Variants in DAB1 observed in about 807,000 individuals in gnomAD.
DAB1 encodes the protein DAB adaptor protein 1.
A neutral mutation model predicts 64.6 loss-of-function variants in DAB1; 15 were observed. That is an observed-to-expected ratio of 0.23 (90% CI 0.16 to 0.36). DAB1 has a LOEUF of 0.36. Ranked by LOEUF, DAB1 falls within the 10% of genes least tolerant of loss-of-function variation. The probability of loss-of-function intolerance (pLI) is 1.00; values close to 1 mark genes in which losing one functional copy is unlikely to be tolerated. For missense variants in DAB1, 596 were observed against 706.7 expected, an observed-to-expected ratio of 0.84 and a Z score of 1.78; for synonymous variants, 235 against 251.9, an observed-to-expected ratio of 0.93 and a Z score of 0.64.
intron 5 of DAB1, among the ~76,000 whole-genome samples, chr1:58,127,487 G>T (rs1032568008): frequency 2.0e-5 from 3 of 151,092 alleles, no homozygotes; most frequent in African/African-American, 7.3e-5. Context: ...GTCAATTTTG[G>T]CTTTTGTTGC....
intron 3 of DAB1, among the ~76,000 whole-genome samples, chr1:58,420,013 C>A (rs1177141331): frequency 6.6e-6 from 1 of 152,186 alleles, no homozygotes; most frequent in Non-Finnish European, 1.5e-5. Context: ...CTCAGTTTTA[C>A]CATTTCCTAT....
At chr1:57,750,518 G>A (rs1423564550) in intron 6 of DAB1, among the ~76,000 whole-genome samples, 1 of 152,022 alleles carries the variant, frequency 6.6e-6, no homozygotes, top group African/African-American at 2.4e-5. Flanking sequence ...TCACACTATT[G>A]TAATAAACAT....
intron 3 of DAB1, among the ~76,000 whole-genome samples, chr1:58,450,685 C>T (rs1466028002): frequency 2.0e-5 from 3 of 152,100 alleles, no homozygotes; most frequent in African/African-American, 2.4e-5. Flanking sequence ...ACCCGGGAGG[C>T]GGAGATTGCA....
intron 11 of DAB1, among the ~76,000 whole-genome samples, chr1:57,023,132 C>T (rs113147637): frequency 2.0e-4 from 30 of 152,336 alleles, no homozygotes; most frequent in African/African-American, 6.7e-4. Context: ...GTAAGGCAGA[C>T]CCCTTCTATC....
At chr1:57,950,148 G>C (rs1196749874) in intron 5 of DAB1, among the ~76,000 whole-genome samples, 2 of 152,098 alleles carry the variant, frequency 1.3e-5, no homozygotes, top group Non-Finnish European at 2.9e-5. Flanking sequence ...AAGAGAGAAG[G>C]CTCTGGGACC....
chr1:58,338,062 T>G (rs978874980), intron 4 of DAB1, among the ~76,000 whole-genome samples: 2 of 152,128 alleles, frequency 1.3e-5, no homozygotes, highest in African/African-American at 4.8e-5. Flanking sequence ...AACTCTTCAT[T>G]TCAAAAGTTT....
intron 5 of DAB1, among the ~76,000 whole-genome samples, chr1:58,059,140 G>T (rs1237256920): frequency 2.0e-5 from 3 of 152,188 alleles, no homozygotes; most frequent in Non-Finnish European, 2.9e-5. Flanking sequence ...CTTAGCATGG[G>T]TTGCTATTTT....
At chr1:57,199,050 T>C (rs963607278) in intron 2 of DAB1, among the ~76,000 whole-genome samples, 4 of 152,040 alleles carry the variant, frequency 2.6e-5, no homozygotes, top group Admixed American at 6.6e-5. Flanking sequence ...GGGAACTGCA[T>C]AGAGGAGAGA....
intron 1 of DAB1, among the ~76,000 whole-genome samples, chr1:57,871,959 A>G (rs1643958334): frequency 6.6e-6 from 1 of 152,052 alleles, no homozygotes. Flanking sequence ...AGACTCTGCT[A>G]TTTAGGGGAC....
intron 9 of DAB1, among the ~76,000 whole-genome samples, chr1:57,026,663 G>A (rs1292679168): frequency 6.6e-6 from 1 of 152,140 alleles, no homozygotes; most frequent in African/African-American, 2.4e-5. Flanking sequence ...AAAAAAATGT[G>A]GTTGGAGGAA....
chr1:57,925,764 A>G (rs1644870091), intron 5 of DAB1, among the ~76,000 whole-genome samples: 1 of 152,144 alleles, frequency 6.6e-6, no homozygotes, highest in South Asian at 2.1e-4. Context: ...CACTCTCCCA[A>G]GATTATTTCT....
At chr1:57,229,790 T>C (rs760252526) in intron 2 of DAB1, among the ~76,000 whole-genome samples, 4 of 152,188 alleles carry the variant, frequency 2.6e-5, no homozygotes, top group Non-Finnish European at 5.9e-5. Flanking sequence ...CATTGTTACT[T>C]TCATTGTTGG....
intron 2 of DAB1, among the ~76,000 whole-genome samples, chr1:57,268,272 G>A (rs907018472): frequency 2.0e-5 from 3 of 152,146 alleles, no homozygotes; most frequent in Admixed American, 6.6e-5. Flanking sequence ...AAGAAATAGC[G>A]ACAGAAACAG....
At chr1:58,390,222 A>G (rs766628673) in intron 3 of DAB1, among the ~76,000 whole-genome samples, 15 of 151,930 alleles carry the variant, frequency 9.9e-5, no homozygotes, top group Non-Finnish European at 1.8e-4. Flanking sequence ...ACACACACAC[A>G]TACCCCACCC....
At chr1:57,335,286 C>T (rs747833704) in intron 1 of DAB1, among the ~76,000 whole-genome samples, 16 of 151,538 alleles carry the variant, frequency 1.1e-4, no homozygotes, top group Non-Finnish European at 2.1e-4. Flanking sequence ...CAAAATGGGA[C>T]ATAGTTGAAC....
At chr1:58,000,180 G>C (rs1391049189) in intron 5 of DAB1, among the ~76,000 whole-genome samples, 2 of 152,112 alleles carry the variant, frequency 1.3e-5, no homozygotes, top group African/African-American at 4.8e-5. Flanking sequence ...CTAGAGCCTG[G>C]GAGCTACATA....
intron 1 of DAB1, among the ~76,000 whole-genome samples, chr1:57,350,502 C>T (rs917406899): frequency 1.3e-5 from 2 of 152,058 alleles, no homozygotes; most frequent in Non-Finnish European, 2.9e-5. Context: ...TATCCTGCTC[C>T]CACTTGGCCC....
chr1:57,744,789 G>T (rs1648183878), intron 6 of DAB1, among the ~76,000 whole-genome samples: 1 of 152,148 alleles, frequency 6.6e-6, no homozygotes, highest in Admixed American at 6.5e-5. Context: ...TACATCCTCA[G>T]CACAGAAACT....
At chr1:57,904,005 A>G (rs967431558) in intron 5 of DAB1, among the ~76,000 whole-genome samples, 2 of 152,226 alleles carry the variant, frequency 1.3e-5, no homozygotes, top group African/African-American at 4.8e-5. Context: ...ATTTACATTC[A>G]AATTCATACA....
Sources: allele counts gnomAD v4.1 joint callset (sites outside exome capture counted in the v4.1 genomes callset), GRCh38; gene constraint gnomAD v4.1.1; transcripts MANE v1.5; gene names NCBI Gene and HGNC (gene_info 2026-07-23, HGNC 2026-07-21).